Variants in PRKN observed in about 807,000 individuals in gnomAD.
PRKN encodes E3 ubiquitin-protein ligase parkin.
PRKN carries 56 observed loss-of-function variants against 59.5 expected under a neutral mutation model. That is an observed-to-expected ratio of 0.94 (90% confidence interval 0.76 to 1.18). PRKN has a LOEUF of 1.18. Among genes scored for constraint, PRKN ranks in the 50% most tolerant of loss-of-function variants. PRKN has a pLI of 0.00. For missense variants in PRKN, 657 were observed against 596.4 expected (o/e 1.10, Z -1.06); for synonymous variants, 250 against 222.1 (o/e 1.13, Z -1.12).
At chr6:162,419,373 T>G (rs1011691300) in intron 2 of PRKN, among the ~76,000 whole-genome samples, 1 of 152,194 alleles carries the variant, frequency 6.6e-6, no homozygotes, top group African/African-American at 2.4e-5. Context: ...TTAATAATAA[T>G]AGCTAAAATC....
chr6:162,394,919 G>A (rs1787396507), intron 2 of PRKN, among the ~76,000 whole-genome samples: 1 of 152,176 alleles, frequency 6.6e-6, no homozygotes, highest in African/African-American at 2.4e-5. Flanking sequence ...ATTGGACCTT[G>A]AATGTTGTAT....
At position 162,704,070 on chromosome 6, in the gene PRKN, A is replaced by G. The variant is rs1282452532; in HGVS notation, c.7+23592T>C. On this transcript the variant is annotated intron_variant, in intron 1 of 11. Coordinates refer to ENST00000366898, the MANE Select transcript of PRKN (RefSeq NM_004562.3). Reference sequence around the variant, plus strand: ...GCACAATTTGGACACTTAGACAAACATTCTTGACCTGGTACCCGCTGAGCC... The same window carrying G: ...GCACAATTTGGACACTTAGACAAACGTTCTTGACCTGGTACCCGCTGAGCC... 9.9e-5 allele frequency among the ~76,000 whole-genome samples: 15 copies of G among 152,150 alleles called. No individual in the cohort carries two copies. In the East Asian group the frequency reaches 2.9e-3, roughly 29 times the overall value.
chr6:162,288,031 G>A (rs760427222), intron 2 of PRKN, among the ~76,000 whole-genome samples: 6 of 152,046 alleles, frequency 3.9e-5, no homozygotes, highest in African/African-American at 1.2e-4. Flanking sequence ...GTCTTATTCC[G>A]GAATCCTGTT....
At chr6:162,217,811 G>T (rs533174954) in intron 3 of PRKN, among the ~76,000 whole-genome samples, 2 of 152,226 alleles carry the variant, frequency 1.3e-5, no homozygotes, top group East Asian at 3.9e-4. Context: ...TATTGTTAAG[G>T]CTCCAGCTTG....
intron 1 of PRKN, among the ~76,000 whole-genome samples, chr6:162,559,413 C>T (rs1261603550): frequency 6.6e-6 from 1 of 152,108 alleles, no homozygotes; most frequent in Non-Finnish European, 1.5e-5. Flanking sequence ...CAGCCCCTAA[C>T]ATCCCATTTG....
intron 1 of PRKN, among the ~76,000 whole-genome samples, chr6:162,657,573 A>G (rs777430424): frequency 6.6e-6 from 1 of 152,212 alleles, no homozygotes; most frequent in Non-Finnish European, 1.5e-5. Flanking sequence ...TTCATCTGCT[A>G]AAGTAGCACC....
rs985376068 is a variant in PRKN at position 162,403,155 on chromosome 6, C to T, written c.171+40155G>A. ...CATTGGTTTACAGCATGTCCATGAA[C>T]GTGAAATTCTTTCAACTCACAAGGC... On this transcript the variant is annotated intron_variant, in intron 2 of 11. Coordinates refer to ENST00000366898, the MANE Select transcript of PRKN (RefSeq NM_004562.3). Among the ~76,000 whole-genome samples the T allele has an allele frequency of 8.5e-5, 13 of 152,270 alleles. No homozygotes were observed. In the South Asian group the frequency reaches 1.7e-3, roughly 19 times the overall value.
At chr6:162,545,295 A>T (rs1779076227) in intron 1 of PRKN, among the ~76,000 whole-genome samples, 1 of 152,108 alleles carries the variant, frequency 6.6e-6, no homozygotes, top group South Asian at 2.1e-4. Flanking sequence ...CTGAGAAAAT[A>T]AAAATAAAAA....
intron 1 of PRKN, among the ~76,000 whole-genome samples, chr6:162,581,569 T>C (rs1780793542): frequency 6.6e-6 from 1 of 152,226 alleles, no homozygotes; most frequent in South Asian, 2.1e-4. Flanking sequence ...GGGACCAGCC[T>C]GGCCAACATG....
intron 6 of PRKN, among the ~76,000 whole-genome samples, chr6:161,905,963 AT>A (rs1225619165): frequency 2.1e-5 from 3 of 144,134 alleles, no homozygotes; most frequent in South Asian, 2.1e-4. Flanking sequence ...ATTTTCAGGT[AT>A]TTTTTTCCTC....
At chr6:162,408,163 T>C (rs1788169763) in intron 2 of PRKN, among the ~76,000 whole-genome samples, 1 of 152,112 alleles carries the variant, frequency 6.6e-6, no homozygotes, top group Admixed American at 6.6e-5. Context: ...CACATGGATC[T>C]TATGAAAATA....
rs116259693 is a variant in PRKN at position 161,713,148 on chromosome 6, A to G, written c.871+72624T>C. Among the ~76,000 whole-genome samples, 1,318 of 152,230 alleles carry G rather than the reference A, an allele frequency of 8.7e-3. 24 individuals carry two copies. The highest frequency in any genetic ancestry group is 0.03 in the African/African-American group (1,258 of 41,526). ...ACTCACAGAACTCATGAAAACACTT[A>G]TATTTATTGGTTTATTCTAAGGCAT... is the stretch of plus-strand genomic sequence containing the variant. On this transcript the variant is annotated intron_variant, in intron 7 of 11. Coordinates refer to ENST00000366898, the MANE Select transcript of PRKN (RefSeq NM_004562.3).
intron 1 of PRKN, among the ~76,000 whole-genome samples, chr6:162,626,348 A>G (rs917372622): frequency 2.6e-5 from 4 of 152,202 alleles, no homozygotes; most frequent in African/African-American, 9.6e-5. Context: ...TCTCAGGGAC[A>G]GCATAATACT....
Position 162,543,346 on chromosome 6 carries a change from C to G in PRKN, c.8-99873G>C, listed in dbSNP as rs182624692. On this transcript the variant is annotated intron_variant, in intron 1 of 11. Transcript: ENST00000366898. Reference sequence around the variant, plus strand: ...GCGCCTTGGCCCAGAGCAGTCACATCGGCAAAAAATTCCCGCCCACTTCTC... The same window carrying G: ...GCGCCTTGGCCCAGAGCAGTCACATGGGCAAAAAATTCCCGCCCACTTCTC... Among the ~76,000 whole-genome samples the G allele has an allele frequency of 1.4e-3, 208 of 152,166 alleles. 3 individuals are homozygous for G. Among genetic ancestry groups the G allele is most frequent in the African/African-American group, 4.8e-3 (199 of 41,510 alleles).
chr6:161,946,724 C>T (rs1353012326), intron 6 of PRKN, among the ~76,000 whole-genome samples: 4 of 152,050 alleles, frequency 2.6e-5, no homozygotes, highest in Non-Finnish European at 5.9e-5. Flanking sequence ...ACTGGCAAGG[C>T]TGTAAAGATA....
intron 1 of PRKN, among the ~76,000 whole-genome samples, chr6:162,698,148 G>A (rs1013577929): frequency 3.9e-5 from 6 of 152,202 alleles, no homozygotes; most frequent in Non-Finnish European, 8.8e-5. Context: ...GCAGGTTCTG[G>A]AAGAGGATCA....
At chr6:161,777,781 ATATG>A (rs1790003383) in intron 7 of PRKN, among the ~76,000 whole-genome samples, 1 of 142,376 alleles carries the variant, frequency 7.0e-6, no homozygotes, top group Admixed American at 7.1e-5. Context: ...GTATATATGT[ATATG>A]TATATATGAT....
At chr6:161,777,899 CAT>C (rs1239647167) in intron 7 of PRKN, among the ~76,000 whole-genome samples, 3 of 115,482 alleles carry the variant, frequency 2.6e-5, no homozygotes, top group Non-Finnish European at 3.7e-5. Flanking sequence ...TATATGTATA[CAT>C]ATATATGTGT....
chr6:162,473,914 A>G (rs1188514649), intron 1 of PRKN, among the ~76,000 whole-genome samples: 1 of 152,204 alleles, frequency 6.6e-6, no homozygotes, highest in Non-Finnish European at 1.5e-5. Context: ...TTATAGATGT[A>G]GGTTAGCCTT....
Sources: allele counts gnomAD v4.1 joint callset (sites outside exome capture counted in the v4.1 genomes callset), GRCh38; gene constraint gnomAD v4.1.1; transcripts MANE v1.5; gene names NCBI Gene and HGNC (gene_info 2026-07-23, HGNC 2026-07-21).